DAPK1: variants seen among roughly 807,000 people sequenced by gnomAD.
DAPK1 encodes death associated protein kinase 1.
In DAPK1, 56 loss-of-function variants were observed where a neutral mutation model predicts 144.9. The observed-to-expected ratio is 0.39, with a 90% CI of 0.31 to 0.48. DAPK1 has a LOEUF of 0.48. Ranked by LOEUF, DAPK1 falls within the 20% of genes least tolerant of loss-of-function variation. DAPK1 has a pLI of 0.95. For missense variants in DAPK1, 1,454 were observed against 1,875.4 expected, an observed-to-expected ratio of 0.78 and a Z score of 4.15; for synonymous variants, 690 against 749.0, an observed-to-expected ratio of 0.92 and a Z score of 1.29.
intron 18 of DAPK1, among the ~76,000 whole-genome samples, chr9:87,660,038 G>A (rs1476169629): frequency 6.6e-6 from 1 of 152,180 alleles, no homozygotes; most frequent in Non-Finnish European, 1.5e-5. Context: ...GGGCGCCCCT[G>A]CGGGAGGCAT....
intron 9 of DAPK1, among the ~76,000 whole-genome samples, chr9:87,641,566 C>T (rs1399928265): frequency 2.6e-5 from 4 of 152,144 alleles, no homozygotes; most frequent in Admixed American, 2.0e-4. Flanking sequence ...GAAAAAGATA[C>T]AATACAAGGA....
At chr9:87,664,287 C>T (rs1830971693) in intron 18 of DAPK1, among the ~76,000 whole-genome samples, 1 of 152,122 alleles carries the variant, frequency 6.6e-6, no homozygotes, top group Non-Finnish European at 1.5e-5. Context: ...TGTTCTTTCA[C>T]CCTGGAGCTC....
chr9:87,677,294 G>A (rs1294204012), intron 19 of DAPK1, among the ~76,000 whole-genome samples: 1 of 152,216 alleles, frequency 6.6e-6, no homozygotes, highest in Non-Finnish European at 1.5e-5. Flanking sequence ...GGCATAGCTT[G>A]CCCTCATACA....
intron 9 of DAPK1, among the ~76,000 whole-genome samples, chr9:87,641,128 A>C (rs934344234): frequency 4.6e-5 from 7 of 152,244 alleles, no homozygotes; most frequent in African/African-American, 1.7e-4. Flanking sequence ...TGGCCCAAAC[A>C]GTGTATTTAA....
At chr9:87,569,917 A>G (rs911470728) in intron 2 of DAPK1, among the ~76,000 whole-genome samples, 1 of 152,238 alleles carries the variant, frequency 6.6e-6, no homozygotes, top group African/African-American at 2.4e-5. Context: ...CTGATTAATG[A>G]AATCACCATA....
At chr9:87,548,401 T>G (rs6559999) in intron 2 of DAPK1, among the ~76,000 whole-genome samples, 61,340 of 151,958 alleles carry the variant, frequency 0.4, 12,612 homozygotes, top group African/African-American at 0.49. Flanking sequence ...TCTCCTATAT[T>G]TTCTCTCTCT....
intron 21 of DAPK1, among the ~76,000 whole-genome samples, chr9:87,689,848 G>T (rs1207436854): frequency 6.6e-6 from 1 of 152,076 alleles, no homozygotes; most frequent in African/African-American, 2.4e-5. Context: ...TTTCTATTCT[G>T]TTCCATTGGT....
At chr9:87,620,587 G>GGGAGGAGGAAGGGGA (rs1829259830) in intron 3 of DAPK1, among the ~76,000 whole-genome samples, 1 of 151,466 alleles carries the variant, frequency 6.6e-6, no homozygotes, top group South Asian at 2.1e-4. Context: ...GGAGGGAGAG[G>GGGAGGAGGAAGGGGA]GGAGGAGGAA....
chr9:87,618,576 G>T (rs931917844), intron 3 of DAPK1, among the ~76,000 whole-genome samples: 1 of 152,172 alleles, frequency 6.6e-6, no homozygotes, highest in Non-Finnish European at 1.5e-5. Flanking sequence ...CATTCAATGG[G>T]CTGTTACTTG....
rs139628673 is a variant in DAPK1, at chr9:87,613,815, G to A, written c.284+8640G>A. On this transcript the variant is annotated intron_variant, in intron 3 of 25. Transcript: ENST00000408954. ...CTCTGGGCGCTCACGAACCACAATA[G>A]CACACACTCAGACTTCCTCAATGCG... Among the ~76,000 whole-genome samples, 3 of 152,308 alleles carry A rather than the reference G, an allele frequency of 2.0e-5. No individual in the cohort carries two copies. The East Asian group carries it at 5.8e-4, about 29-fold the overall frequency.
intron 13 of DAPK1, 57 bp downstream of exon 13, chr9:87,646,616 A>G: frequency 7.0e-7 from 1 of 1,421,240 alleles, no homozygotes. Context: ...AGTGTCTCTT[A>G]ATCATAGGGG....
At chr9:87,583,034 C>T (rs867514426) in intron 2 of DAPK1, among the ~76,000 whole-genome samples, 2 of 152,046 alleles carry the variant, frequency 1.3e-5, no homozygotes, top group South Asian at 4.2e-4. Flanking sequence ...TTGTCTTCTC[C>T]AGGTCAAGGG....
chr9:87,547,660 G>C (rs1249655237), intron 2 of DAPK1, among the ~76,000 whole-genome samples: 1 of 151,950 alleles, frequency 6.6e-6, no homozygotes, highest in East Asian at 1.9e-4. Flanking sequence ...TGATTGTGGA[G>C]GGTGGCAAGT....
chr9:87,655,291 C>T (rs1587816150), intron 17 of DAPK1, among the ~76,000 whole-genome samples: 1 of 152,322 alleles, frequency 6.6e-6, no homozygotes, highest in Non-Finnish European at 1.5e-5. Flanking sequence ...CTCCCATCAT[C>T]AGCACACCCT....
intron 2 of DAPK1, among the ~76,000 whole-genome samples, chr9:87,579,512 T>C (rs1827678873): frequency 6.6e-6 from 1 of 152,208 alleles, no homozygotes; most frequent in Non-Finnish European, 1.5e-5. Context: ...AGATCCATCA[T>C]AGTTTTAAAG....
At chr9:87,668,349 G>A (rs778092927) in intron 18 of DAPK1, 1 of 491,826 alleles carries the variant, frequency 2.0e-6, no homozygotes. Flanking sequence ...GACCTGAAAG[G>A]TGTCGCTATT....
Position 87,673,181 on chromosome 9 carries a change from C to T in DAPK1, c.2001+4507C>T, listed in dbSNP as rs377264451. On this transcript the variant is annotated intron_variant, in intron 19 of 25. Coordinates refer to ENST00000408954, the MANE Select transcript of DAPK1 (RefSeq NM_004938.4). ...GCCATATTGTGAAAACCAAAAGAAT[C>T]CCTCCACACATTTTCTCTCAACCCC... is the stretch of plus-strand genomic sequence containing the variant. 1.2e-4 allele frequency among the ~76,000 whole-genome samples: 19 copies of T among 152,094 alleles called. 1 individual carries two copies. The highest frequency in any genetic ancestry group is 4.6e-4 in the African/African-American group (19 of 41,442).
rs780238695 is a variant in DAPK1, at chr9:87,651,733, A to G, written c.1824+9A>G. ...TGGACATCTCCAACAAGGTATGCAC[A>G]GAGAACAGGATCCCTACAGCTTCCA... On this transcript the variant is annotated intron_variant, in intron 17 of 25. Coordinates refer to ENST00000408954, the MANE Select transcript of DAPK1 (RefSeq NM_004938.4). 8.7e-6 allele frequency: 14 copies of G among 1,612,918 alleles called. No individual in the cohort carries two copies. In the African/African-American group the frequency reaches 1.2e-4, roughly 14 times the overall value.
chr9:87,674,527 A>G (rs1824293894), intron 19 of DAPK1, among the ~76,000 whole-genome samples: 1 of 151,234 alleles, frequency 6.6e-6, no homozygotes, highest in African/African-American at 2.4e-5. Context: ...AAAAAAAAAA[A>G]AAAAAAAAAA....
Sources: gnomAD v4.1 joint callset for allele counts (sites outside exome capture counted in the v4.1 genomes callset) on GRCh38, gnomAD v4.1.1 for gene constraint, MANE v1.5 for transcripts, NCBI Gene and HGNC (gene_info 2026-07-23, HGNC 2026-07-21) for gene names.